The following PFKFB4 variants were observed in gnomAD, a reference collection of about 807,000 sequenced individuals.
The protein encoded by PFKFB4 is 6-phosphofructo-2-kinase/fructose-2,6-biphosphatase 4.
Under a neutral mutation model 62.8 loss-of-function variants are expected in PFKFB4, and 42 were observed. That is an observed-to-expected ratio of 0.67 (90% CI 0.52 to 0.86). The LOEUF is 0.86. PFKFB4 is among the 40% of genes least tolerant of loss of function. The pLI is 0.00. For synonymous variants in PFKFB4, 204 were observed against 240.7 expected (o/e 0.85, Z 1.41); for missense variants, 475 against 627.2 (o/e 0.76, Z 2.59).
In PFKFB4 at chr3:48,545,098, T is replaced by C. The variant is rs2042921490; in HGVS notation, c.312-1452A>G. Among the ~76,000 whole-genome samples the C allele has an allele frequency of 2.0e-5, 3 of 152,042 alleles. 1 individual carries two copies. In the South Asian group the frequency reaches 6.2e-4, roughly 32 times the overall value. On this transcript the variant is annotated intron_variant, in intron 3 of 13. Transcript: ENST00000232375. ...ACCTTTTTATCTATTATCTTCCCTT[T>C]TTCTATGTAAGGGTAAAGCTAGATC... is the stretch of plus-strand genomic sequence containing the variant.
rs2042743073 is a variant in PFKFB4 at position 48,539,730 on chromosome 3, G to C, written c.420C>G (p.Thr140=). The C allele has an allele frequency of 6.2e-7, 1 of 1,614,010 alleles. No individual in the cohort carries two copies. Among genetic ancestry groups the C allele is most frequent in the African/African-American group, 1.3e-5 (1 of 74,916 alleles). Residue 140 remains threonine (T), a synonymous_variant, in exon 5 of 14, where the codon ACC becomes ACG. Transcript: ENST00000232375. ...ATNTTRERRA[T]IFNFGEQNGY... ...CATTCTGTTCTCCAAAATTAAAGAT[G>C]GTCGCTCTCCGTTCTCGGGTGGTGT...
In PFKFB4 at chr3:48,518,426, A is replaced by G. The variant is rs982353992; in HGVS notation, c.*1321T>C. 1 of 152,320 alleles carries G rather than the reference A, an allele frequency of 6.6e-6. No homozygotes were observed. The highest frequency in any genetic ancestry group is 1.5e-5 in the Non-Finnish European group (1 of 68,096). 9.4% of individuals were successfully genotyped at this position (152,320 alleles called of 1,614,324 possible). ...TGGGATCCAGGGGCCTGGCTTCCCC[A>G]GAGTCCACCTGTGGACAGCAGGGCA... On this transcript the variant is annotated 3_prime_UTR_variant, in exon 14 of 14. Coordinates refer to ENST00000232375, the MANE Select transcript of PFKFB4 (RefSeq NM_004567.4).
upstream of PFKFB4, chr3:48,559,898 CCACACACACACACACA>C (rs34826551): frequency 1.4e-3 from 269 of 191,730 alleles, 1 homozygote; most frequent in South Asian, 2.3e-3. Flanking sequence ...AACCATCCCA[CCACACACACACACACA>C]CACACACACA....
chr3:48,520,178 C>T (rs6787988), intron 13 of PFKFB4, among the ~76,000 whole-genome samples: 5,419 of 152,190 alleles, frequency 0.036, 299 homozygotes, highest in African/African-American at 0.12. Flanking sequence ...GGGTTCAACT[C>T]CTGGGGGTGC....
chr3:48,541,297 T>C (rs1489560841), intron 4 of PFKFB4, among the ~76,000 whole-genome samples: 1 of 151,788 alleles, frequency 6.6e-6, no homozygotes, highest in East Asian at 1.9e-4. Flanking sequence ...CCAGCTAATT[T>C]TTTGTATTTT....
intron 12 of PFKFB4, among the ~76,000 whole-genome samples, chr3:48,523,256 C>T (rs1266395618): frequency 6.6e-6 from 1 of 151,974 alleles, no homozygotes; most frequent in African/African-American, 2.4e-5. Context: ...TGGTGGCAGG[C>T]GCCTGTAATC....
chr3:48,546,008 TGTGTGTGTGC>T (rs922889188), intron 3 of PFKFB4, among the ~76,000 whole-genome samples: 2 of 152,064 alleles, frequency 1.3e-5, no homozygotes, highest in African/African-American at 4.8e-5. Context: ...CCTGGGAGCC[TGTGTGTGTGC>T]GTGTGTGTGT....
chr3:48,529,050 T>C (rs1312441662), intron 9 of PFKFB4, among the ~76,000 whole-genome samples: 1 of 151,958 alleles, frequency 6.6e-6, no homozygotes, highest in Non-Finnish European at 1.5e-5. Context: ...TTTATTTATT[T>C]TTTTAGAGAC....
chr3:48,558,970 C>A (rs1164951383), upstream of PFKFB4, among the ~76,000 whole-genome samples: 1 of 152,220 alleles, frequency 6.6e-6, no homozygotes, highest in Non-Finnish European at 1.5e-5. Context: ...TAACCCGCAG[C>A]ACTCATTGCA....
At chr3:48,533,888 A>C (rs1328012871) in intron 9 of PFKFB4, among the ~76,000 whole-genome samples, 1 of 152,140 alleles carries the variant, frequency 6.6e-6, no homozygotes, top group African/African-American at 2.4e-5. Flanking sequence ...CAAATCAAAC[A>C]ACTGTTTTTA....
At position 48,522,220 on chromosome 3, in the gene PFKFB4, T is replaced by A. The variant is rs1292018760; in HGVS notation, c.1286-170A>T. ...CTCTGGGGAGCCCCGGGAGGAAGGA[T>A]GAGACACGCTGTCAGACCCACGCAT... On this transcript the variant is annotated intron_variant, in intron 12 of 13. Transcript: ENST00000232375. 2.0e-5 allele frequency among the ~76,000 whole-genome samples: 3 copies of A among 152,228 alleles called. No individual in the cohort carries two copies. The East Asian group carries it at 5.8e-4, about 30-fold the overall frequency.
chr3:48,556,095 G>C lies in PFKFB4; in HGVS notation c.97+586C>G, dbSNP rs775944021. ...CCAGGTGGATACTTACATGTCCCGG[G>C]ACACAGACACAGGCCCACACGGCAT... On this transcript the variant is annotated intron_variant, in intron 1 of 13. Coordinates refer to ENST00000232375, the MANE Select transcript of PFKFB4 (RefSeq NM_004567.4). The surrounding 1 kb of genome is among the most constrained non-coding windows in gnomAD (Gnocchi z 5.7). 9.6e-5 allele frequency: 44 copies of C among 456,612 alleles called. 1 individual carries two copies. Among genetic ancestry groups the C allele is most frequent in the South Asian group, 6.7e-4 (43 of 64,576 alleles). 28.3% of individuals were successfully genotyped at this position (456,612 alleles called of 1,614,324 possible).
upstream of PFKFB4, chr3:48,559,898 CCACACACACACACACACACA>C (rs34826551): frequency 2.2e-4 from 43 of 191,746 alleles, no homozygotes; most frequent in Middle Eastern, 2.2e-3. Flanking sequence ...AACCATCCCA[CCACACACACACACACACACA>C]CACACACACA....
chr3:48,561,160 A>G (rs965810385), upstream of PFKFB4: 1 of 1,110,234 alleles, frequency 9.0e-7, no homozygotes, highest in Non-Finnish European at 1.2e-6. The surrounding 1 kb of genome is among the most constrained non-coding windows in gnomAD (Gnocchi z 5.2). Context: ...GCAGCTCCAG[A>G]GTGGGGTAAC....
At chr3:48,549,653 C>T (rs2043070253) in intron 3 of PFKFB4, among the ~76,000 whole-genome samples, 5 of 152,064 alleles carry the variant, frequency 3.3e-5, no homozygotes, top group Admixed American at 2.0e-4. Context: ...CCCACCCCCA[C>T]CACATCCTGA....
chr3:48,547,134 C>T (rs572338612), intron 3 of PFKFB4, among the ~76,000 whole-genome samples: 1 of 152,170 alleles, frequency 6.6e-6, no homozygotes, highest in Non-Finnish European at 1.5e-5. Flanking sequence ...CATGTATGAG[C>T]GTGCTCAGGT....
upstream of PFKFB4, chr3:48,559,557 T>A (rs1039534077): frequency 4.4e-6 from 2 of 457,044 alleles, no homozygotes; most frequent in South Asian, 1.5e-5. Flanking sequence ...TGTCCCAGCG[T>A]CTGCTCTCTC....
chr3:48,535,091 G>A (rs1162350380), intron 9 of PFKFB4, among the ~76,000 whole-genome samples: 1 of 152,186 alleles, frequency 6.6e-6, no homozygotes, highest in Non-Finnish European at 1.5e-5. Context: ...TTACAAGGGT[G>A]AGCCACCGCA....
intron 9 of PFKFB4, among the ~76,000 whole-genome samples, chr3:48,534,190 C>T (rs751960124): frequency 1.8e-4 from 27 of 152,020 alleles, no homozygotes; most frequent in Non-Finnish European, 3.8e-4. Flanking sequence ...GAAAAAAAGA[C>T]AGAGAAGAAA....
Sources: gnomAD v4.1 joint callset for allele counts (sites outside exome capture counted in the v4.1 genomes callset) on GRCh38, gnomAD v4.1.1 for gene constraint, Gnocchi (gnomAD v3.1) non-coding constraint, MANE v1.5 for transcripts, NCBI Gene and HGNC (gene_info 2026-07-23, HGNC 2026-07-21) for gene names.